TRIT1: variants seen among roughly 807,000 people sequenced by gnomAD.
TRIT1 encodes the protein tRNA dimethylallyltransferase.
A neutral mutation model predicts 51.2 loss-of-function variants in TRIT1; 43 were observed. The ratio of observed to expected loss-of-function variants is 0.84; its 90% CI spans 0.66 to 1.08. TRIT1 has a LOEUF of 1.08. TRIT1 is among the 50% of genes least tolerant of loss of function. The pLI, the probability that TRIT1 is intolerant of heterozygous loss-of-function variation, is 0.00. For missense variants in TRIT1, 528 were observed against 578.4 expected, an observed-to-expected ratio of 0.91 and a Z score of 0.89; for synonymous variants, 184 against 203.9, an observed-to-expected ratio of 0.90 and a Z score of 0.83.
intron 1 of TRIT1, among the ~76,000 whole-genome samples, chr1:39,881,360 T>G (rs1479973462): frequency 6.6e-6 from 1 of 152,138 alleles, no homozygotes; most frequent in Non-Finnish European, 1.5e-5. Context: ...ACCACAGATC[T>G]ACTATTATAC....
chr1:39,868,020 C>T (rs1643648036), intron 1 of TRIT1, among the ~76,000 whole-genome samples: 1 of 151,572 alleles, frequency 6.6e-6, no homozygotes, highest in Non-Finnish European at 1.5e-5. Flanking sequence ...TCTCGGCTCA[C>T]TGCAAGCTCC....
At chr1:39,849,767 G>A (rs1553139403) in intron 5 of TRIT1, among the ~76,000 whole-genome samples, 1 of 152,204 alleles carries the variant, frequency 6.6e-6, no homozygotes, top group Admixed American at 6.5e-5. Context: ...AAGGCATACT[G>A]CTTCTAGAAC....
intron 1 of TRIT1, among the ~76,000 whole-genome samples, chr1:39,877,311 C>CA (rs1298255692): frequency 7.4e-6 from 1 of 135,612 alleles, no homozygotes; most frequent in Non-Finnish European, 1.5e-5. Context: ...TCAGCCTGGG[C>CA]AACATGGTGC....
chr1:39,870,239 C>T (rs1297304803), intron 1 of TRIT1, among the ~76,000 whole-genome samples: 3 of 152,172 alleles, frequency 2.0e-5, no homozygotes, highest in Non-Finnish European at 4.4e-5. Flanking sequence ...GAAACATGTG[C>T]TGTGTCCACT....
intron 1 of TRIT1, among the ~76,000 whole-genome samples, chr1:39,870,429 T>C (rs1235540959): frequency 1.5e-4 from 23 of 150,354 alleles, no homozygotes; most frequent in Non-Finnish European, 2.8e-4. Flanking sequence ...CACATGTTTA[T>C]CTGCTGACCT....
chr1:39,847,178 T>C (rs770868853), intron 8 of TRIT1, 42 bp downstream of exon 8: 38 of 1,536,464 alleles, frequency 2.5e-5, no homozygotes, highest in Non-Finnish European at 3.2e-5. Flanking sequence ...CTATATTCTA[T>C]TGAAAACAGA....
chr1:39,848,236 T>C (rs1557537035), intron 5 of TRIT1, 139 bp from the exon 6 acceptor site: 2 of 640,958 alleles, frequency 3.1e-6, no homozygotes, highest in East Asian at 5.5e-5. Context: ...AAGATTATTA[T>C]AATAATTCAT....
intron 6 of TRIT1, 45 bp downstream of exon 6, chr1:39,847,937 TTGTC>T: frequency 6.4e-7 from 1 of 1,550,996 alleles, no homozygotes; most frequent in Non-Finnish European, 8.9e-7. Flanking sequence ...GGTCTTTTGA[TTGTC>T]TGCAAAATAT....
At chr1:39,849,229 C>T (rs976124278) in intron 5 of TRIT1, among the ~76,000 whole-genome samples, 1 of 152,170 alleles carries the variant, frequency 6.6e-6, no homozygotes, top group Non-Finnish European at 1.5e-5. Context: ...TGTGTTATTA[C>T]TATTATCTCT....
chr1:39,844,947 C>T (rs1642141631), intron 8 of TRIT1, among the ~76,000 whole-genome samples: 1 of 152,204 alleles, frequency 6.6e-6, no homozygotes, highest in East Asian at 1.9e-4. Context: ...AAAGACAGCA[C>T]ATCGTAAGAA....
intron 1 of TRIT1, among the ~76,000 whole-genome samples, chr1:39,878,804 C>G (rs1644150875): frequency 6.6e-6 from 1 of 152,206 alleles, no homozygotes; most frequent in Non-Finnish European, 1.5e-5. Flanking sequence ...TATCTCTTAG[C>G]TGCAGCAAAT....
At chr1:39,869,261 C>A (rs1182798633) in intron 1 of TRIT1, among the ~76,000 whole-genome samples, 1 of 152,210 alleles carries the variant, frequency 6.6e-6, no homozygotes, top group African/African-American at 2.4e-5. Flanking sequence ...CGCCGCCACG[C>A]CTGACTGGTT....
chr1:39,869,089 C>T (rs1465690438), intron 1 of TRIT1, among the ~76,000 whole-genome samples: 1 of 151,902 alleles, frequency 6.6e-6, no homozygotes, highest in Non-Finnish European at 1.5e-5. Flanking sequence ...CCCTCTCCCC[C>T]TCCCCCTCCC....
At chr1:39,861,369 C>G (rs2124634245) in intron 1 of TRIT1, among the ~76,000 whole-genome samples, 1 of 152,134 alleles carries the variant, frequency 6.6e-6, no homozygotes, top group African/African-American at 2.4e-5. Context: ...AAAACAACAA[C>G]AACAACAAAA....
chr1:39,862,009 G>A (rs11207006), intron 1 of TRIT1, among the ~76,000 whole-genome samples: 28,111 of 151,668 alleles, frequency 0.19, 2,675 homozygotes, highest in East Asian at 0.3. Flanking sequence ...AACATACTAT[G>A]CTAAGTTAAA....
chr1:39,869,795 G>A (rs1413782163), intron 1 of TRIT1, among the ~76,000 whole-genome samples: 2 of 150,486 alleles, frequency 1.3e-5, no homozygotes, highest in African/African-American at 4.9e-5. Flanking sequence ...CTGCCCGGCC[G>A]CCCCGTCTGA....
intron 1 of TRIT1, among the ~76,000 whole-genome samples, chr1:39,874,408 A>G (rs1643979441): frequency 6.6e-6 from 1 of 152,208 alleles, no homozygotes; most frequent in Non-Finnish European, 1.5e-5. Context: ...CCCCAAGTTG[A>G]GACTACTGAT....
At chr1:39,846,066 T>C (rs967856370) in intron 8 of TRIT1, among the ~76,000 whole-genome samples, 4 of 152,214 alleles carry the variant, frequency 2.6e-5, no homozygotes, top group African/African-American at 4.8e-5. Context: ...CATTAGAAAT[T>C]TGTAATACAG....
intron 1 of TRIT1, among the ~76,000 whole-genome samples, chr1:39,864,645 C>T (rs887563769): frequency 6.6e-6 from 1 of 151,560 alleles, no homozygotes. Context: ...TGTCAACAGT[C>T]CTGAAATTGA....
Sources: gnomAD v4.1 joint callset for allele counts (sites outside exome capture counted in the v4.1 genomes callset) on GRCh38, gnomAD v4.1.1 for gene constraint, MANE v1.5 for transcripts, NCBI Gene and HGNC (gene_info 2026-07-23, HGNC 2026-07-21) for gene names.